COPS4: variants seen among roughly 807,000 people sequenced by gnomAD.
COPS4 encodes the protein COP9 signalosome complex subunit 4.
A neutral mutation model predicts 55.1 loss-of-function variants in COPS4; 8 were observed. The observed-to-expected ratio is 0.15, with a 90% CI of 0.09 to 0.26. COPS4 has a LOEUF of 0.26. Among genes scored for constraint, COPS4 ranks in the 10% least tolerant of loss-of-function variants. The probability of loss-of-function intolerance (pLI) is 1.00; values close to 1 mark genes in which losing one functional copy is unlikely to be tolerated. For synonymous variants in COPS4, 185 were observed against 165.7 expected (o/e 1.12, Z -0.90); for missense variants, 248 against 484.0 (o/e 0.51, Z 4.58).
chr4:83,065,572 A>G (rs562874305), intron 7 of COPS4, among the ~76,000 whole-genome samples: 1 of 152,338 alleles, frequency 6.6e-6, no homozygotes, highest in South Asian at 2.1e-4. Flanking sequence ...AATGTTCAGC[A>G]GAAATATGTA....
At chr4:83,038,167 T>C (rs1730473727) in intron 1 of COPS4, among the ~76,000 whole-genome samples, 1 of 152,268 alleles carries the variant, frequency 6.6e-6, no homozygotes, top group Non-Finnish European at 1.5e-5. Flanking sequence ...CAGATTCTGA[T>C]TCTCTCTTTG....
chr4:83,074,039 AC>A (rs1336129638), intron 9 of COPS4, among the ~76,000 whole-genome samples: 2 of 151,978 alleles, frequency 1.3e-5, no homozygotes, highest in Admixed American at 6.6e-5. Context: ...TTTGAATGGG[AC>A]ATTCCTCTCA....
intron 7 of COPS4, among the ~76,000 whole-genome samples, chr4:83,065,598 C>T (rs1045135280): frequency 2.6e-5 from 4 of 152,272 alleles, no homozygotes; most frequent in South Asian, 2.1e-4. Context: ...TGGGTGAGCC[C>T]AGTGGTCTAA....
intron 8 of COPS4, among the ~76,000 whole-genome samples, chr4:83,067,020 G>C (rs960788218): frequency 6.6e-6 from 1 of 151,944 alleles, no homozygotes; most frequent in Non-Finnish European, 1.5e-5. Flanking sequence ...GTTATGGGTC[G>C]CATCCCTTTT....
At position 83,035,281 on chromosome 4, in the gene COPS4, T is replaced by C; in HGVS notation, c.57T>C (p.His19=). The change falls in exon 1 of 10, where the codon CAT becomes CAC. Residue 19 remains histidine (H), a synonymous_variant. Coordinates refer to ENST00000264389, the MANE Select transcript of COPS4 (RefSeq NM_016129.3). ...AGCTCATGAATTCGAGCGGCTCTCA[T>C]AAAGATCTGGCTGGCAAGTGAGTAT... is the stretch of plus-strand genomic sequence containing the variant. ...LAQLMNSSGS[H]KDLAGKYRQI... is the part of the protein sequence containing the mutation. 1.9e-6 allele frequency: 3 copies of C among 1,564,788 alleles called. No individual in the cohort carries two copies. The highest frequency in any genetic ancestry group is 2.6e-6 in the Non-Finnish European group (3 of 1,148,532).
intron 4 of COPS4, among the ~76,000 whole-genome samples, chr4:83,050,463 A>G (rs568051135): frequency 6.6e-6 from 1 of 152,020 alleles, no homozygotes; most frequent in East Asian, 1.9e-4. Flanking sequence ...ACACCTGGCT[A>G]TTTTTGTATT....
intron 1 of COPS4, among the ~76,000 whole-genome samples, chr4:83,037,646 T>C (rs150799930): frequency 6.6e-6 from 1 of 151,208 alleles, no homozygotes; most frequent in Non-Finnish European, 1.5e-5. Context: ...TATCAGTGTG[T>C]TTTTTTTTAA....
At chr4:83,058,578 A>G (rs1731073292) in intron 6 of COPS4, among the ~76,000 whole-genome samples, 1 of 152,198 alleles carries the variant, frequency 6.6e-6, no homozygotes, top group African/African-American at 2.4e-5. Context: ...CTGAAAACGC[A>G]GTACATGAAC....
intron 9 of COPS4, among the ~76,000 whole-genome samples, chr4:83,069,733 C>A (rs909285201): frequency 9.9e-5 from 15 of 151,962 alleles, no homozygotes; most frequent in African/African-American, 3.4e-4. Context: ...ATTTTAACTT[C>A]TTTATCAGAT....
At chr4:83,062,934 T>C (rs1731197906) in intron 6 of COPS4, 142 bp from the exon 7 acceptor site, 1 of 663,282 alleles carries the variant, frequency 1.5e-6, no homozygotes, top group African/African-American at 1.9e-5. Context: ...CGGCAGTGAC[T>C]GCAGACCATA....
chr4:83,046,756 A>G (rs1261731386), intron 2 of COPS4, among the ~76,000 whole-genome samples: 1 of 152,230 alleles, frequency 6.6e-6, no homozygotes, highest in Non-Finnish European at 1.5e-5. Flanking sequence ...TCTCACACAC[A>G]TTACCTGTCA....
intron 8 of COPS4, among the ~76,000 whole-genome samples, chr4:83,067,259 C>T (rs1015591216): frequency 1.3e-5 from 2 of 151,114 alleles, no homozygotes; most frequent in Admixed American, 6.6e-5. Flanking sequence ...TGTTTTCCCC[C>T]GAGACGGACT....
At position 83,063,146 on chromosome 4, in the gene COPS4, G is replaced by C. The variant is rs377239931; in HGVS notation, c.786G>C (p.Gly262=). The change falls in exon 7 of 10, where the codon GGG becomes GGC. Residue 262 remains glycine, a synonymous_variant. Coordinates refer to ENST00000264389, the MANE Select transcript of COPS4 (RefSeq NM_016129.3). ...DERCQQLAAY[G]ILEKMYLDRI... The stretch of plus-strand genomic sequence containing the variant: ...GGTGCCAGCAACTTGCTGCCTATGG[G>C]ATCCTAGAGAAAATGTATCTAGATA... 43 of 1,610,258 alleles carry C rather than the reference G, an allele frequency of 2.7e-5. No homozygotes were observed. Among genetic ancestry groups the C allele is most frequent in the Admixed American group, 2.4e-4 (14 of 59,252 alleles).
At chr4:83,070,406 G>A (rs909634542) in intron 9 of COPS4, among the ~76,000 whole-genome samples, 1 of 152,048 alleles carries the variant, frequency 6.6e-6, no homozygotes, top group South Asian at 2.1e-4. Context: ...TTGCTTCATG[G>A]GCATCTTAGC....
At chr4:83,065,985 T>A (rs1326524556) in intron 7 of COPS4, among the ~76,000 whole-genome samples, 1 of 152,198 alleles carries the variant, frequency 6.6e-6, no homozygotes, top group East Asian at 1.9e-4. Flanking sequence ...ACCCTGTCCC[T>A]ACTAAAAATA....
In COPS4 at chr4:83,049,745, G is replaced by T. The variant is rs546656356; in HGVS notation, c.307-136G>T. 8.8e-5 allele frequency: 51 copies of T among 578,386 alleles called. No individual in the cohort carries two copies. The African/African-American group carries it at 9.1e-4, about 10-fold the overall frequency. The allele number at this position is 578,386 out of a possible 1,614,324, so 35.8% of individuals were successfully genotyped here. A position where few individuals can be genotyped will look rare whatever the true frequency, so the allele number is the denominator to read the frequency against. ...ATGCAAAATTCGTAGGAAAACTTGG[G>T]TGGTCTTGATAAACGTTTACTGTTT... On this transcript the variant is annotated intron_variant, in intron 3 of 9. Transcript: ENST00000264389.
intron 9 of COPS4, among the ~76,000 whole-genome samples, chr4:83,071,711 G>C (rs533609608): frequency 1.3e-5 from 2 of 151,398 alleles, no homozygotes; most frequent in African/African-American, 4.9e-5. Context: ...GAGCTATTGT[G>C]CCTGGCTTTT....
intron 9 of COPS4, among the ~76,000 whole-genome samples, chr4:83,072,379 C>A (rs992711334): frequency 2.6e-5 from 4 of 152,212 alleles, no homozygotes; most frequent in African/African-American, 7.2e-5. Context: ...GGATTACAGG[C>A]ATGAGCCACT....
In COPS4 at chr4:83,063,080, G is replaced by A; in HGVS notation, c.720G>A (p.Gln240=). The A allele has an allele frequency of 6.4e-7, 1 of 1,550,908 alleles. No homozygotes were observed. The highest frequency in any genetic ancestry group is 1.2e-5 in the South Asian group (1 of 80,704). Reference sequence around the variant, plus strand: ...ATGCTCATTTATTTCTCTTAGGGCAGCAGCGTTCTCGGATGCTAGCTACTC... The same window carrying A: ...ATGCTCATTTATTTCTCTTAGGGCAACAGCGTTCTCGGATGCTAGCTACTC... ...LHCTILASAG[Q]QRSRMLATLF... The change falls in exon 7 of 10, where the codon CAG becomes CAA. Residue 240 remains glutamine (Q), a synonymous_variant. Coordinates refer to ENST00000264389, the MANE Select transcript of COPS4 (RefSeq NM_016129.3).
Sources: gnomAD v4.1 joint callset for allele counts (sites outside exome capture counted in the v4.1 genomes callset) on GRCh38, gnomAD v4.1.1 for gene constraint, MANE v1.5 for transcripts, NCBI Gene and HGNC (gene_info 2026-07-23, HGNC 2026-07-21) for gene names.